ANKRD36: variants seen among roughly 807,000 people sequenced by gnomAD.
ANKRD36 encodes the protein ankyrin repeat domain-containing protein 36A.
Under a neutral mutation model 278.1 loss-of-function variants are expected in ANKRD36, and 179 were observed. That is an observed-to-expected ratio of 0.64 (90% confidence interval 0.57 to 0.73). ANKRD36 has a LOEUF of 0.73. ANKRD36 is among the 30% of genes least tolerant of loss of function. ANKRD36 has a pLI of 0.00. For missense variants in ANKRD36, 1,159 were observed against 1,956.7 expected (o/e 0.59, Z 7.69); for synonymous variants, 320 against 641.1 (o/e 0.50, Z 7.57).
intron 22 of ANKRD36, among the ~76,000 whole-genome samples, chr2:97,171,828 A>G (rs952545960): frequency 1.3e-5 from 2 of 152,038 alleles, no homozygotes; most frequent in South Asian, 4.2e-4. Context: ...AAGAAAATCT[A>G]GGCAATACCA....
chr2:97,131,970 A>G (rs1376774822), intron 6 of ANKRD36, among the ~76,000 whole-genome samples: 1 of 151,904 alleles, frequency 6.6e-6, no homozygotes, highest in Non-Finnish European at 1.5e-5. Flanking sequence ...CTGGGACTAC[A>G]GGCCTGCACC....
intron 18 of ANKRD36, among the ~76,000 whole-genome samples, chr2:97,163,017 C>T (rs1427993598): frequency 6.6e-6 from 1 of 152,252 alleles, no homozygotes; most frequent in Non-Finnish European, 1.5e-5. Flanking sequence ...GCTGTAATCC[C>T]AGCACTTTGG....
chr2:97,116,831 GT>G (rs958310962), intron 1 of ANKRD36, among the ~76,000 whole-genome samples: 3 of 151,884 alleles, frequency 2.0e-5, no homozygotes, highest in Non-Finnish European at 4.4e-5. Context: ...TTAATTTATA[GT>G]TTTTTTCATA....
chr2:97,183,537 A>G (rs1238508608), intron 27 of ANKRD36, 45 bp from the exon 28 acceptor site: 2 of 1,551,456 alleles, frequency 1.3e-6, no homozygotes, highest in East Asian at 2.4e-5. Flanking sequence ...ATAGCCTATG[A>G]AATATGTATT....
At position 97,132,069 on chromosome 2, in the gene ANKRD36, T is replaced by G. The variant is rs182568562; in HGVS notation, c.799+4935T>G. ...GTCTGCATCTCCTGACCTTGTGATCTGCCCGCCCCAGCCTCCCAAAGTGTT... is the reference window on the plus strand; with the variant it reads ...GTCTGCATCTCCTGACCTTGTGATCGGCCCGCCCCAGCCTCCCAAAGTGTT... On this transcript the variant is annotated intron_variant, in intron 6 of 75. Transcript: ENST00000420699. Among the ~76,000 whole-genome samples the G allele has an allele frequency of 5.9e-5, 9 of 151,948 alleles. No homozygotes were observed. In the South Asian group the frequency reaches 8.4e-4, roughly 14 times the overall value.
At chr2:97,147,231 C>T (rs1454960131) in intron 11 of ANKRD36, among the ~76,000 whole-genome samples, 2 of 151,874 alleles carry the variant, frequency 1.3e-5, no homozygotes, top group African/African-American at 4.8e-5. Context: ...TTTAAGTGAG[C>T]ACCCTGCCTA....
intron 66 of ANKRD36, among the ~76,000 whole-genome samples, chr2:97,222,810 A>C (rs1264707711): frequency 1.2e-4 from 18 of 152,098 alleles, no homozygotes; most frequent in African/African-American, 4.1e-4. Context: ...ATATTAGTTA[A>C]TCAAATGAAA....
intron 4 of ANKRD36, among the ~76,000 whole-genome samples, chr2:97,123,884 A>G (rs1189896972): frequency 6.8e-6 from 1 of 146,880 alleles, no homozygotes; most frequent in Non-Finnish European, 1.5e-5. Context: ...TAGATTATAT[A>G]TACTAATTTT....
intron 67 of ANKRD36, among the ~76,000 whole-genome samples, chr2:97,232,006 CCAAA>C (rs2072296733): frequency 6.6e-6 from 1 of 151,848 alleles, no homozygotes; most frequent in African/African-American, 2.4e-5. Context: ...CAAGTTTAGT[CCAAA>C]CAAACAGTGA....
At chr2:97,230,920 C>CCT (rs2071760385) in intron 67 of ANKRD36, among the ~76,000 whole-genome samples, 2 of 152,092 alleles carry the variant, frequency 1.3e-5, no homozygotes, top group South Asian at 4.2e-4. Flanking sequence ...ACCCTGTCTG[C>CCT]CTGGGTATCA....
intron 34 of ANKRD36, among the ~76,000 whole-genome samples, 196 bp from the exon 35 acceptor site, chr2:97,190,782 A>C (rs190899517): frequency 6.6e-6 from 1 of 151,822 alleles, no homozygotes; most frequent in African/African-American, 2.4e-5. Flanking sequence ...CTGTAAGGAT[A>C]TATTTCATGG....
intron 66 of ANKRD36, among the ~76,000 whole-genome samples, chr2:97,221,033 T>A (rs1290714497): frequency 8.8e-6 from 1 of 114,174 alleles, no homozygotes; most frequent in Non-Finnish European, 1.6e-5. Context: ...CAGTGTTTGG[T>A]TTTTTGTTCT....
At chr2:97,187,004 A>G (rs80141246) in intron 30 of ANKRD36, among the ~76,000 whole-genome samples, 194 bp from the exon 31 acceptor site, 1 of 151,788 alleles carries the variant, frequency 6.6e-6, no homozygotes, top group Non-Finnish European at 1.5e-5. Context: ...AGTTAGGAAT[A>G]TATCGTGGCA....
At position 97,192,849 on chromosome 2, in the gene ANKRD36, G is replaced by A. The variant is rs753848203; in HGVS notation, c.2348-9G>A. On this transcript the variant is annotated splice_polypyrimidine_tract_variant and intron_variant, in intron 36 of 75. Transcript: ENST00000420699. ...ATATGAGTGATTATGTATCCCTTTTGCTTTTCAGTGTCTTCTCAGAAACCA... is the reference window on the plus strand; with the variant it reads ...ATATGAGTGATTATGTATCCCTTTTACTTTTCAGTGTCTTCTCAGAAACCA... The A allele has an allele frequency of 5.6e-6, 9 of 1,601,502 alleles. No homozygotes were observed. Among genetic ancestry groups the A allele is most frequent in the South Asian group, 2.2e-5 (2 of 90,640 alleles).
intron 66 of ANKRD36, among the ~76,000 whole-genome samples, chr2:97,220,549 T>C (rs1264923879): frequency 2.0e-5 from 3 of 151,396 alleles, no homozygotes; most frequent in African/African-American, 7.3e-5. Context: ...GTTCCATCCA[T>C]GTCATTGCGA....
chr2:97,181,733 G>A lies in ANKRD36; in HGVS notation c.1777G>A (p.Glu593Lys), dbSNP rs200857073. 6.2e-6 allele frequency: 10 copies of A among 1,609,076 alleles called. No homozygotes were observed. The African/African-American group carries it at 9.4e-5, about 15-fold the overall frequency. The stretch of plus-strand genomic sequence containing the variant: ...AAATCCCATTCAGGCTACAAGTGAC[G>A]AGAAAGATTCTGTTTCAAATATAGC... ...KQPAEKATSD[E>K]KDSVSNIATE... The change falls in exon 26 of 76, where the codon GAG becomes AAG. Residue 593 changes from glutamate to lysine, a missense_variant. Coordinates refer to ENST00000420699, the MANE Select transcript of ANKRD36 (RefSeq NM_001354587.1).
intron 67 of ANKRD36, among the ~76,000 whole-genome samples, chr2:97,229,079 G>A (rs1452080893): frequency 1.3e-5 from 2 of 151,756 alleles, no homozygotes; most frequent in Non-Finnish European, 2.9e-5. Context: ...TTTTGGAATA[G>A]GTGTGGTGTG....
chr2:97,225,457 C>T (rs1299923205), intron 67 of ANKRD36, among the ~76,000 whole-genome samples: 3 of 151,970 alleles, frequency 2.0e-5, no homozygotes, highest in Non-Finnish European at 2.9e-5. Context: ...CAATAACTGC[C>T]TAATGTATTT....
At position 97,231,517 on chromosome 2, in the gene ANKRD36, A is replaced by G. The variant is rs1334075181; in HGVS notation, c.3952-2213A>G. On this transcript the variant is annotated intron_variant, in intron 67 of 75. Coordinates refer to ENST00000420699, the MANE Select transcript of ANKRD36 (RefSeq NM_001354587.1). ...GCAGTAGTAGGGTGGGAGTAACCCA[A>G]TTTTCCAGGTGCTGTCTGTCACCCC... Among the ~76,000 whole-genome samples the G allele has an allele frequency of 7.2e-5, 11 of 152,102 alleles. 1 individual carries two copies. The highest frequency in any genetic ancestry group is 7.2e-4 in the Admixed American group (11 of 15,278).
Sources: gnomAD v4.1 joint callset for allele counts (sites outside exome capture counted in the v4.1 genomes callset) on GRCh38, gnomAD v4.1.1 for gene constraint, MANE v1.5 for transcripts, NCBI Gene and HGNC (gene_info 2026-07-23, HGNC 2026-07-21) for gene names.